CYB5B: variants seen among roughly 807,000 people sequenced by gnomAD.
The protein encoded by CYB5B is cytochrome b5 type B (outer mitochondrial membrane).
In CYB5B, 14 loss-of-function variants were observed where a neutral mutation model predicts 21.3. The observed-to-expected ratio is 0.66, with a 90% CI of 0.43 to 1.03. CYB5B has a LOEUF of 1.03. Among genes scored for constraint, CYB5B ranks in the 50% least tolerant of loss-of-function variants. The probability of loss-of-function intolerance (pLI) is 0.00; values close to 1 mark genes in which losing one functional copy is unlikely to be tolerated. For missense variants in CYB5B, 166 were observed against 185.1 expected (o/e 0.90, Z 0.60); for synonymous variants, 69 against 68.4 (o/e 1.01, Z -0.04).
intron 1 of CYB5B, among the ~76,000 whole-genome samples, chr16:69,435,332 A>G (rs1454699377): frequency 5.9e-5 from 9 of 152,200 alleles, no homozygotes; most frequent in East Asian, 1.9e-4. Context: ...ACAAAATTGC[A>G]TTTAATACAA....
rs767084029 is a variant in CYB5B, at chr16:69,462,531, C to G, written c.*11C>G. 1.2e-6 allele frequency: 2 copies of G among 1,611,456 alleles called. No individual in the cohort carries two copies. The highest frequency in any genetic ancestry group is 2.2e-5 in the South Asian group (2 of 91,028). ...AGCAAATCCTCCTGAGGAGGCCTTGCTGAAGTTAGAAAGTGCATCCACTTT... is the reference window on the plus strand; with the variant it reads ...AGCAAATCCTCCTGAGGAGGCCTTGGTGAAGTTAGAAAGTGCATCCACTTT... On this transcript the variant is annotated 3_prime_UTR_variant, in exon 5 of 5. Transcript: ENST00000307892.
At chr16:69,452,253 G>T (rs1404030759) in intron 3 of CYB5B, among the ~76,000 whole-genome samples, 2 of 143,300 alleles carry the variant, frequency 1.4e-5, no homozygotes, top group Non-Finnish European at 3.0e-5. Context: ...GGTGGAGCTT[G>T]CAGTGAGCTG....
intron 1 of CYB5B, among the ~76,000 whole-genome samples, chr16:69,442,009 C>T (rs2014828049): frequency 1.3e-5 from 2 of 152,072 alleles, no homozygotes; most frequent in African/African-American, 4.8e-5. Context: ...CCTGTAGGCT[C>T]AGAATGAACA....
At chr16:69,459,069 A>G in intron 3 of CYB5B, 24 bp from the exon 4 acceptor site, 1 of 1,208,524 alleles carries the variant, frequency 8.3e-7, no homozygotes, top group East Asian at 2.4e-5. Flanking sequence ...GTTATTTTTG[A>G]ATTTTTTTTT....
intron 1 of CYB5B, chr16:69,443,855 A>AAAACAAAC: frequency 6.4e-6 from 1 of 155,368 alleles, no homozygotes; most frequent in East Asian, 1.9e-4. Flanking sequence ...ACTCCGTCTC[A>AAAACAAAC]AAACAAACAA....
chr16:69,446,417 A>G (rs1339656482), intron 1 of CYB5B, among the ~76,000 whole-genome samples: 3 of 152,150 alleles, frequency 2.0e-5, no homozygotes, highest in Admixed American at 6.5e-5. Context: ...TCCCCCTCAC[A>G]GGTTTAAGTG....
At chr16:69,431,590 G>A (rs563951343) in intron 1 of CYB5B, among the ~76,000 whole-genome samples, 6 of 151,998 alleles carry the variant, frequency 3.9e-5, no homozygotes, top group Non-Finnish European at 8.8e-5. Context: ...TAGGCAACAT[G>A]GCAAAACCCC....
chr16:69,441,864 G>C (rs1597282416), intron 1 of CYB5B, among the ~76,000 whole-genome samples: 1 of 152,160 alleles, frequency 6.6e-6, no homozygotes, highest in African/African-American at 2.4e-5. Context: ...AGATCTGGCA[G>C]TATGTCAGGG....
chr16:69,439,743 T>C (rs550852147), intron 1 of CYB5B, among the ~76,000 whole-genome samples: 1 of 151,740 alleles, frequency 6.6e-6, no homozygotes, highest in Non-Finnish European at 1.5e-5. Flanking sequence ...ATTTTTGTAT[T>C]TTCAGTAGAG....
intron 3 of CYB5B, among the ~76,000 whole-genome samples, chr16:69,456,542 C>G (rs910383536): frequency 6.6e-6 from 1 of 152,102 alleles, no homozygotes; most frequent in Non-Finnish European, 1.5e-5. Flanking sequence ...AGGGGTTATG[C>G]TGGAAGAACT....
chr16:69,459,402 G>A (rs1446292173), intron 4 of CYB5B: 4 of 335,804 alleles, frequency 1.2e-5, no homozygotes, highest in Non-Finnish European at 2.2e-5. Flanking sequence ...AGGATGCATG[G>A]ACAGGTAGCT....
At chr16:69,447,391 C>T (rs2014888587) in intron 2 of CYB5B, 113 bp downstream of exon 2, 1 of 1,413,202 alleles carries the variant, frequency 7.1e-7, no homozygotes, top group Non-Finnish European at 9.4e-7. Context: ...CCTGTCATCC[C>T]AGTACTTTGG....
At chr16:69,444,161 C>CTGGGTGAGCT (rs2014853919) in intron 1 of CYB5B, 1 of 160,630 alleles carries the variant, frequency 6.2e-6, no homozygotes. Context: ...ATACTTGCTC[C>CTGGGTGAGCT]TGGGTGAGCT....
chr16:69,458,065 T>C (rs1042957200), intron 3 of CYB5B, among the ~76,000 whole-genome samples: 1 of 152,218 alleles, frequency 6.6e-6, no homozygotes, highest in African/African-American at 2.4e-5. Context: ...AGGCCTTTTG[T>C]ACTATACAGC....
chr16:69,424,648 T>A lies in CYB5B; in HGVS notation c.-36T>A, dbSNP rs1289615711. On this transcript the variant is annotated 5_prime_UTR_variant, in exon 1 of 5. Coordinates refer to ENST00000307892, the MANE Select transcript of CYB5B (RefSeq NM_030579.3). ...GCTGAGCGCGGGCTCTCAAGGAAAG[T>A]AGTCGCGGAATCTCAGTTAGCGGTG... The A allele has an allele frequency of 2.7e-6, 4 of 1,502,630 alleles. No individual in the cohort carries two copies. The African/African-American group carries it at 5.7e-5, about 21-fold the overall frequency. The allele number at this position is 1,502,630 out of a possible 1,614,324, so 93.1% of individuals were successfully genotyped here. A position where few individuals can be genotyped will look rare whatever the true frequency, so the allele number is the denominator to read the frequency against.
In CYB5B at chr16:69,454,594, A is replaced by T. The variant is rs956169302; in HGVS notation, c.334-4499A>T. ...CTTTTCCAGTTTAGAATTTGAAGCC[A>T]GAAGTTCCCAACTTGTTTTTCATAA... On this transcript the variant is annotated intron_variant, in intron 3 of 4. Transcript: ENST00000307892. Among the ~76,000 whole-genome samples, 8 of 152,338 alleles carry T rather than the reference A, an allele frequency of 5.3e-5. No homozygotes were observed. In the South Asian group the frequency reaches 1.0e-3, roughly 20 times the overall value.
At chr16:69,444,555 T>G (rs1250366456) in intron 1 of CYB5B, among the ~76,000 whole-genome samples, 1 of 152,130 alleles carries the variant, frequency 6.6e-6, no homozygotes, top group Non-Finnish European at 1.5e-5. Context: ...AAAAGCTCCC[T>G]GACGTCTTTT....
At chr16:69,441,096 G>A (rs1466980914) in intron 1 of CYB5B, among the ~76,000 whole-genome samples, 1 of 151,450 alleles carries the variant, frequency 6.6e-6, no homozygotes, top group African/African-American at 2.4e-5. Context: ...TCACAACCAG[G>A]ATATTGACAT....
At chr16:69,434,893 G>T (rs958110551) in intron 1 of CYB5B, among the ~76,000 whole-genome samples, 5 of 151,566 alleles carry the variant, frequency 3.3e-5, no homozygotes, top group Non-Finnish European at 7.4e-5. Flanking sequence ...CATTGTAATG[G>T]GTGTGTAATG....
Sources: allele counts gnomAD v4.1 joint callset (sites outside exome capture counted in the v4.1 genomes callset), GRCh38; gene constraint gnomAD v4.1.1; transcripts MANE v1.5; gene names NCBI Gene and HGNC (gene_info 2026-07-23, HGNC 2026-07-21).